The following GCH1 variants were observed in gnomAD, a reference collection of about 807,000 sequenced individuals.
The protein encoded by GCH1 is GTP cyclohydrolase 1.
GCH1 carries 5 observed loss-of-function variants against 25.9 expected under a neutral mutation model. The ratio of observed to expected loss-of-function variants is 0.19; its 90% CI spans 0.10 to 0.41. The LOEUF is 0.41. Among genes scored for constraint, GCH1 ranks in the 10% least tolerant of loss-of-function variants. The pLI is 1.00. For missense variants in GCH1, 261 were observed against 336.5 expected (o/e 0.78, Z 1.75); for synonymous variants, 159 against 129.6 (o/e 1.23, Z -1.54).
chr14:54,854,457 C>G (rs1339756300), intron 3 of GCH1, among the ~76,000 whole-genome samples: 4 of 152,086 alleles, frequency 2.6e-5, no homozygotes, highest in African/African-American at 7.2e-5. Flanking sequence ...CCTCACTCCT[C>G]ACCCCAAAAT....
At chr14:54,874,223 C>T (rs1325217127) in intron 1 of GCH1, among the ~76,000 whole-genome samples, 1 of 152,170 alleles carries the variant, frequency 6.6e-6, no homozygotes, top group African/African-American at 2.4e-5. Flanking sequence ...AGCATATAAA[C>T]AGAATCAATG....
intron 1 of GCH1, among the ~76,000 whole-genome samples, chr14:54,880,927 C>T (rs1293343865): frequency 6.7e-6 from 1 of 149,240 alleles, no homozygotes; most frequent in Non-Finnish European, 1.5e-5. Flanking sequence ...CAGCTTCAAG[C>T]GATTCTCCTG....
intron 1 of GCH1, among the ~76,000 whole-genome samples, chr14:54,873,238 A>G (rs2040107665): frequency 1.3e-5 from 2 of 152,244 alleles, no homozygotes; most frequent in Admixed American, 6.5e-5. Flanking sequence ...CTGCTCCTGA[A>G]TGACTACTGG....
intron 1 of GCH1, among the ~76,000 whole-genome samples, chr14:54,881,648 T>C (rs919175410): frequency 1.3e-5 from 2 of 152,130 alleles, no homozygotes; most frequent in Non-Finnish European, 2.9e-5. Flanking sequence ...AGTCACACCA[T>C]CTGCTGGAGT....
At chr14:54,896,388 G>A (rs1455196638) in intron 1 of GCH1, among the ~76,000 whole-genome samples, 1 of 151,642 alleles carries the variant, frequency 6.6e-6, no homozygotes, top group East Asian at 1.9e-4. Flanking sequence ...GTTGGTCCAA[G>A]ACCCCACCAC....
chr14:54,875,091 A>C (rs538793011), intron 1 of GCH1, among the ~76,000 whole-genome samples: 3,862 of 152,332 alleles, frequency 0.025, 162 homozygotes, highest in African/African-American at 0.088. Context: ...GGCTACAGTA[A>C]CCAAAACAGC....
chr14:54,886,877 G>A (rs1595015309), intron 1 of GCH1, among the ~76,000 whole-genome samples: 2 of 152,142 alleles, frequency 1.3e-5, no homozygotes, highest in East Asian at 3.9e-4. Flanking sequence ...TCTGCCATGT[G>A]GTGACAAGGC....
In GCH1 at chr14:54,900,845, T is replaced by TCACACACACACACACA. The variant is rs3221690; in HGVS notation, c.343+1460_343+1475dup. On this transcript the variant is annotated intron_variant, in intron 1 of 5. Transcript: ENST00000491895. The stretch of plus-strand genomic sequence containing the variant: ...ACATTTCATTACATTGTGAAATATC[T>TCACACACACACACACA]CACACACACACACACACACACACAC... Among the ~76,000 whole-genome samples, 135 of 144,740 alleles carry TCACACACACACACACA rather than the reference T, an allele frequency of 9.3e-4. 1 individual carries two copies. The highest frequency in any genetic ancestry group is 8.0e-3 in the Admixed American group (115 of 14,352). 95.0% of individuals were successfully genotyped at this position (144,740 alleles called of 152,430 possible). A position where few individuals can be genotyped will look rare whatever the true frequency, so the allele number is the denominator to read the frequency against.
At chr14:54,883,402 C>T (rs1398055172) in intron 1 of GCH1, among the ~76,000 whole-genome samples, 2 of 118,604 alleles carry the variant, frequency 1.7e-5, no homozygotes, top group South Asian at 2.8e-4. Flanking sequence ...AAAAAAAGCC[C>T]GGTGCGGTGG....
intron 1 of GCH1, among the ~76,000 whole-genome samples, chr14:54,868,804 G>A (rs1320604903): frequency 6.6e-6 from 1 of 151,960 alleles, no homozygotes; most frequent in African/African-American, 2.4e-5. Context: ...GTTTCACCAT[G>A]CCAGCCAGGA....
chr14:54,843,078 A>G lies in GCH1; in HGVS notation c.*939T>C, dbSNP rs1271126553. 11 of 1,348,634 alleles carry G rather than the reference A, an allele frequency of 8.2e-6. No individual in the cohort carries two copies. Among genetic ancestry groups the G allele is most frequent in the African/African-American group, 1.4e-5 (1 of 69,452 alleles). The allele number at this position is 1,348,634 out of a possible 1,614,324, so 83.5% of individuals were successfully genotyped here. A position where few individuals can be genotyped will look rare whatever the true frequency, so the allele number is the denominator to read the frequency against. The stretch of plus-strand genomic sequence containing the variant: ...ACCTGAAAATGATGGGCACTCTCAA[A>G]TGTTTCTGGAAATACTTAGAAAAAT... On this transcript the variant is annotated 3_prime_UTR_variant, in exon 6 of 6. Transcript: ENST00000491895.
At chr14:54,847,156 T>A in intron 3 of GCH1, 26 bp from the exon 4 acceptor site, 1 of 912,208 alleles carries the variant, frequency 1.1e-6, no homozygotes. Context: ...TTGTTTTAGT[T>A]AATCACAAAT....
rs183239183 is a variant in GCH1, at chr14:54,851,860, A to C, written c.510-4730T>G. Among the ~76,000 whole-genome samples, 29 of 152,378 alleles carry C rather than the reference A, an allele frequency of 1.9e-4. 1 individual carries two copies. The East Asian group carries it at 5.6e-3, about 29-fold the overall frequency. ...ACTAGAAATACCATTTGACCCAGCCATCCCATTACTGGGTATATAACCAAA... is the reference window on the plus strand; with the variant it reads ...ACTAGAAATACCATTTGACCCAGCCCTCCCATTACTGGGTATATAACCAAA... On this transcript the variant is annotated intron_variant, in intron 3 of 5. Coordinates refer to ENST00000491895, the MANE Select transcript of GCH1 (RefSeq NM_000161.3).
intron 2 of GCH1, among the ~76,000 whole-genome samples, chr14:54,862,839 TGAAGGAAACAAATCTG>T (rs2039925328): frequency 1.3e-5 from 2 of 152,070 alleles, no homozygotes; most frequent in South Asian, 4.1e-4. Context: ...ATCCAGAGGC[TGAAGGAAACAAATCTG>T]GAAGGTGGGG....
intron 2 of GCH1, among the ~76,000 whole-genome samples, chr14:54,862,944 A>T (rs1192591626): frequency 6.6e-6 from 1 of 151,976 alleles, no homozygotes; most frequent in Non-Finnish European, 1.5e-5. Context: ...AACAAAAGGG[A>T]CTTAACAGGT....
In GCH1 at chr14:54,870,335, CAAAA is replaced by C. The variant is rs561453897; in HGVS notation, c.344-4903_344-4900del. ...CAACCTAGCCAGACTCTGTTTTTAC[CAAAA>C]AAAAAAAAAAAAAAAAAAAAAGGGT... On this transcript the variant is annotated intron_variant, in intron 1 of 5. Transcript: ENST00000491895. 5.8e-3 allele frequency among the ~76,000 whole-genome samples: 388 copies of C among 66,616 alleles called. 1 individual carries two copies. The highest frequency in any genetic ancestry group is 0.022 in the African/African-American group (369 of 16,552). 43.7% of individuals were successfully genotyped at this position (66,616 alleles called of 152,430 possible). A position where few individuals can be genotyped will look rare whatever the true frequency, so the allele number is the denominator to read the frequency against.
intron 1 of GCH1, among the ~76,000 whole-genome samples, chr14:54,875,931 C>T (rs2040152861): frequency 6.6e-6 from 1 of 152,316 alleles, no homozygotes; most frequent in South Asian, 2.1e-4. Context: ...TTGTGGAAGT[C>T]AGTGTGGCGA....
Position 54,902,589 on chromosome 14 carries a change from C to A in GCH1, c.75G>T (p.Arg25=). 6.7e-7 allele frequency: 1 copy of A among 1,497,426 alleles called. No homozygotes were observed. The allele number at this position is 1,497,426 out of a possible 1,614,324, so 92.8% of individuals were successfully genotyped here. A position where few individuals can be genotyped will look rare whatever the true frequency, so the allele number is the denominator to read the frequency against. ...TGCTGGGCCCGGGCCGCGGCGGATC[C>A]CGCTCGGGGAACCCATTGCTGCACC... ...GARCSNGFPE[R]DPPRPGPSRP... is the part of the protein sequence containing the mutation. The change falls in exon 1 of 6, where the codon CGG becomes CGT. Residue 25 remains arginine (R), a synonymous_variant. Coordinates refer to ENST00000491895, the MANE Select transcript of GCH1 (RefSeq NM_000161.3).
At chr14:54,857,244 T>G (rs1047753800) in intron 3 of GCH1, among the ~76,000 whole-genome samples, 1 of 152,204 alleles carries the variant, frequency 6.6e-6, no homozygotes, top group Non-Finnish European at 1.5e-5. Context: ...AATAATCAAC[T>G]CCTTTGTATT....
Sources: gnomAD v4.1 joint callset for allele counts (sites outside exome capture counted in the v4.1 genomes callset) on GRCh38, gnomAD v4.1.1 for gene constraint, MANE v1.5 for transcripts, NCBI Gene and HGNC (gene_info 2026-07-23, HGNC 2026-07-21) for gene names.